The following PTPRD variants were observed in gnomAD, a reference collection of about 807,000 sequenced individuals.
PTPRD encodes receptor-type tyrosine-protein phosphatase delta.
PTPRD carries 34 observed loss-of-function variants against 214.5 expected under a neutral mutation model. The ratio of observed to expected loss-of-function variants is 0.16; its 90% CI spans 0.12 to 0.21. PTPRD has a LOEUF of 0.21. Among genes scored for constraint, PTPRD ranks in the 10% least tolerant of loss-of-function variants. The pLI is 1.00. For synonymous variants in PTPRD, 1,128 were observed against 845.7 expected, an observed-to-expected ratio of 1.33 and a Z score of -5.79; for missense variants, 2,545 against 2,398.7, an observed-to-expected ratio of 1.06 and a Z score of -1.27.
intron 3 of PTPRD, among the ~76,000 whole-genome samples, chr9:10,270,085 T>G (rs1327835419): frequency 6.6e-6 from 1 of 152,154 alleles, no homozygotes; most frequent in African/African-American, 2.4e-5. Flanking sequence ...TATTTTTGTT[T>G]GTATGCATGT....
chr9:9,685,999 A>T (rs2097160373), intron 7 of PTPRD, among the ~76,000 whole-genome samples: 1 of 151,358 alleles, frequency 6.6e-6, no homozygotes, highest in African/African-American at 2.4e-5. Flanking sequence ...TCTTCCTGAC[A>T]ATCTGGAATT....
intron 10 of PTPRD, among the ~76,000 whole-genome samples, chr9:9,083,835 A>T (rs1007738691): frequency 6.6e-6 from 1 of 152,220 alleles, no homozygotes; most frequent in Non-Finnish European, 1.5e-5. Flanking sequence ...CAGTAATGCA[A>T]ATCAAAACCA....
At chr9:8,923,391 C>A (rs566119105) in intron 11 of PTPRD, among the ~76,000 whole-genome samples, 1 of 152,010 alleles carries the variant, frequency 6.6e-6, no homozygotes, top group South Asian at 2.1e-4. Context: ...CGAGAGCAAG[C>A]AATAAAACGA....
At chr9:9,070,381 T>A (rs966458732) in intron 10 of PTPRD, among the ~76,000 whole-genome samples, 11 of 152,192 alleles carry the variant, frequency 7.2e-5, no homozygotes, top group Non-Finnish European at 1.5e-4. Context: ...TAAATTAATA[T>A]ATGTTCCCAT....
At chr9:9,790,579 T>C (rs1222504424) in intron 5 of PTPRD, among the ~76,000 whole-genome samples, 4 of 152,214 alleles carry the variant, frequency 2.6e-5, no homozygotes, top group Admixed American at 6.5e-5. Context: ...TCCTATGAAC[T>C]CAATACTAGT....
At chr9:8,334,145 G>C (rs990189720) in intron 43 of PTPRD, among the ~76,000 whole-genome samples, 1 of 152,022 alleles carries the variant, frequency 6.6e-6, no homozygotes, top group Admixed American at 6.6e-5. Context: ...ATATTAGCAA[G>C]GACATTCAGG....
At chr9:9,716,009 C>A (rs931750819) in intron 7 of PTPRD, among the ~76,000 whole-genome samples, 2 of 152,172 alleles carry the variant, frequency 1.3e-5, no homozygotes, top group Admixed American at 1.3e-4. Context: ...CCCTCTCCCC[C>A]CACCCCACAA....
At chr9:8,666,182 T>C (rs1053794632) in intron 12 of PTPRD, among the ~76,000 whole-genome samples, 8 of 151,414 alleles carry the variant, frequency 5.3e-5, no homozygotes, top group African/African-American at 2.0e-4. Flanking sequence ...AAATTGAAGA[T>C]TTTTTTCCCC....
chr9:10,486,494 T>A (rs1001741487), intron 2 of PTPRD, among the ~76,000 whole-genome samples: 1 of 152,196 alleles, frequency 6.6e-6, no homozygotes, highest in Non-Finnish European at 1.5e-5. Flanking sequence ...TAGTTGTAGA[T>A]GTGTGGTGTT....
chr9:8,805,073 G>A (rs780704757), intron 11 of PTPRD, among the ~76,000 whole-genome samples: 2 of 152,160 alleles, frequency 1.3e-5, no homozygotes, highest in Non-Finnish European at 2.9e-5. Context: ...GACCTGTGCT[G>A]ATCAGATCAA....
At chr9:10,292,095 C>G (rs191472337) in intron 3 of PTPRD, among the ~76,000 whole-genome samples, 2 of 151,862 alleles carry the variant, frequency 1.3e-5, no homozygotes, top group African/African-American at 4.8e-5. Flanking sequence ...TAATCCTAAC[C>G]CAGGAAAAAT....
At chr9:9,860,112 T>C (rs1297595859) in intron 5 of PTPRD, among the ~76,000 whole-genome samples, 9 of 152,216 alleles carry the variant, frequency 5.9e-5, no homozygotes, top group Admixed American at 5.9e-4. Context: ...GAACAATATC[T>C]ACTATAAAAC....
At chr9:8,631,332 A>G (rs1393347634) in intron 14 of PTPRD, among the ~76,000 whole-genome samples, 1 of 151,696 alleles carries the variant, frequency 6.6e-6, no homozygotes, top group Non-Finnish European at 1.5e-5. Flanking sequence ...TTTGAAACCC[A>G]TTCATACAGT....
intron 10 of PTPRD, among the ~76,000 whole-genome samples, chr9:9,171,885 G>A (rs1352687661): frequency 3.3e-5 from 5 of 151,918 alleles, no homozygotes; most frequent in African/African-American, 1.2e-4. Flanking sequence ...GCAAAAATAA[G>A]GTTAAAATTT....
chr9:10,058,588 G>A (rs1255094682), intron 3 of PTPRD, among the ~76,000 whole-genome samples: 1 of 152,036 alleles, frequency 6.6e-6, no homozygotes, highest in East Asian at 1.9e-4. Flanking sequence ...GCTATCAACT[G>A]AGTCATGAGG....
At chr9:9,757,165 G>A (rs2098595056) in intron 6 of PTPRD, among the ~76,000 whole-genome samples, 1 of 152,074 alleles carries the variant, frequency 6.6e-6, no homozygotes, top group Admixed American at 6.6e-5. Flanking sequence ...TTCCTTAGCA[G>A]TTGTTCATAA....
intron 5 of PTPRD, among the ~76,000 whole-genome samples, chr9:9,817,072 T>A (rs377605147): frequency 6.6e-6 from 1 of 152,014 alleles, no homozygotes; most frequent in South Asian, 2.1e-4. Flanking sequence ...CACTATCAAA[T>A]TAAATGAGCT....
intron 8 of PTPRD, among the ~76,000 whole-genome samples, chr9:9,499,378 C>G (rs1222053693): frequency 2.0e-5 from 3 of 152,006 alleles, no homozygotes; most frequent in African/African-American, 7.2e-5. Context: ...ACTCACCACT[C>G]TGTATTTTCT....
At chr9:9,491,139 A>G (rs2095876288) in intron 8 of PTPRD, among the ~76,000 whole-genome samples, 1 of 151,910 alleles carries the variant, frequency 6.6e-6, no homozygotes, top group South Asian at 2.1e-4. Flanking sequence ...AAAAGAGAGC[A>G]GGGGGTGGCT....
Sources: gnomAD v4.1 joint callset for allele counts (sites outside exome capture counted in the v4.1 genomes callset) on GRCh38, gnomAD v4.1.1 for gene constraint, MANE v1.5 for transcripts, NCBI Gene and HGNC (gene_info 2026-07-23, HGNC 2026-07-21) for gene names.